SGCZ: variants seen among roughly 807,000 people sequenced by gnomAD.
The protein encoded by SGCZ is sarcoglycan zeta, also known as zeta-sarcoglycan.
A neutral mutation model predicts 41.3 loss-of-function variants in SGCZ; 40 were observed. The observed-to-expected ratio is 0.97, with a 90% confidence interval of 0.75 to 1.26. The LOEUF is 1.26. Ranked by LOEUF, SGCZ falls within the 50% of genes most tolerant of loss-of-function variation. The pLI, the probability that SGCZ is intolerant of heterozygous loss-of-function variation, is 0.00. For synonymous variants in SGCZ, 206 were observed against 137.5 expected (o/e 1.50, Z -3.49); for missense variants, 552 against 369.8 (o/e 1.49, Z -4.04).
chr8:14,337,540 G>A (rs1802546859), intron 2 of SGCZ, among the ~76,000 whole-genome samples: 1 of 152,142 alleles, frequency 6.6e-6, no homozygotes, highest in Non-Finnish European at 1.5e-5. Flanking sequence ...CCGGAAGTAT[G>A]GGAAAAGTGA....
chr8:14,680,239 G>A (rs1020676082), intron 1 of SGCZ, among the ~76,000 whole-genome samples: 1 of 152,094 alleles, frequency 6.6e-6, no homozygotes, highest in African/African-American at 2.4e-5. Flanking sequence ...GAATTTTAGG[G>A]CAGTGAAACT....
chr8:14,278,476 G>C (rs1792263271), intron 3 of SGCZ, among the ~76,000 whole-genome samples: 1 of 152,172 alleles, frequency 6.6e-6, no homozygotes, highest in African/African-American at 2.4e-5. Flanking sequence ...AAAGTATGCA[G>C]AGAAGCCATG....
intron 2 of SGCZ, among the ~76,000 whole-genome samples, chr8:14,489,923 A>T (rs1334698206): frequency 7.0e-6 from 1 of 142,008 alleles, no homozygotes; most frequent in South Asian, 2.2e-4. Context: ...CTGGAGTACA[A>T]GTGGCACGAT....
At chr8:14,675,988 C>T (rs1808265595) in intron 1 of SGCZ, among the ~76,000 whole-genome samples, 1 of 152,126 alleles carries the variant, frequency 6.6e-6, no homozygotes, top group Non-Finnish European at 1.5e-5. Context: ...AGAGTGGTTC[C>T]TTAAATATTT....
At chr8:14,143,351 A>G (rs1313893425) in intron 5 of SGCZ, among the ~76,000 whole-genome samples, 1 of 152,176 alleles carries the variant, frequency 6.6e-6, no homozygotes, top group African/African-American at 2.4e-5. Flanking sequence ...TAAAATACAT[A>G]CAGGTTAAAA....
chr8:14,428,328 G>A (rs1278004656), intron 2 of SGCZ, among the ~76,000 whole-genome samples: 1 of 151,924 alleles, frequency 6.6e-6, no homozygotes, highest in Non-Finnish European at 1.5e-5. Context: ...AATTCCAGTA[G>A]TAAATATTTT....
chr8:14,983,012 A>G (rs1801719482), intron 1 of SGCZ, among the ~76,000 whole-genome samples: 1 of 152,178 alleles, frequency 6.6e-6, no homozygotes, highest in South Asian at 2.1e-4. Context: ...TCATTGAATC[A>G]TTTGGGTTTG....
chr8:15,205,174 T>C (rs1296629428), intron 1 of SGCZ, among the ~76,000 whole-genome samples: 17 of 151,960 alleles, frequency 1.1e-4, no homozygotes, highest in Admixed American at 9.8e-4. Flanking sequence ...ACGAAGGCAA[T>C]ACCACCCCGA....
At chr8:14,093,767 T>C (rs1801759363) in intron 7 of SGCZ, among the ~76,000 whole-genome samples, 1 of 152,106 alleles carries the variant, frequency 6.6e-6, no homozygotes, top group East Asian at 1.9e-4. Flanking sequence ...TTTGCTCCAA[T>C]TCTCCAAAGG....
intron 1 of SGCZ, among the ~76,000 whole-genome samples, chr8:14,798,437 T>C (rs1399755532): frequency 6.6e-6 from 1 of 152,182 alleles, no homozygotes; most frequent in African/African-American, 2.4e-5. Context: ...TACACTGGTT[T>C]ATCAAAGTTA....
intron 3 of SGCZ, among the ~76,000 whole-genome samples, chr8:14,307,431 T>C (rs1801385425): frequency 6.6e-6 from 1 of 152,170 alleles, no homozygotes; most frequent in Non-Finnish European, 1.5e-5. Context: ...TATTCACTTT[T>C]CCAGGATCTG....
At chr8:14,164,042 C>G (rs1237866126) in intron 5 of SGCZ, among the ~76,000 whole-genome samples, 2 of 152,060 alleles carry the variant, frequency 1.3e-5, no homozygotes, top group East Asian at 3.9e-4. Context: ...ATTTTAATTT[C>G]AGCTGGTGGT....
At chr8:14,971,644 A>ATT (rs1801300165) in intron 1 of SGCZ, among the ~76,000 whole-genome samples, 3 of 95,088 alleles carry the variant, frequency 3.2e-5, no homozygotes. Flanking sequence ...CATTTTATAT[A>ATT]CTTTTTTTTT....
chr8:14,362,281 G>C (rs1044772816), intron 2 of SGCZ, among the ~76,000 whole-genome samples: 3 of 152,202 alleles, frequency 2.0e-5, no homozygotes, highest in African/African-American at 7.2e-5. Context: ...CCTGCCCCCG[G>C]AGGTGGAATC....
At chr8:14,722,814 A>T (rs1461260520) in intron 1 of SGCZ, among the ~76,000 whole-genome samples, 1 of 152,136 alleles carries the variant, frequency 6.6e-6, no homozygotes, top group Non-Finnish European at 1.5e-5. Context: ...ATACATGTGC[A>T]TGTGTTTTTA....
intron 1 of SGCZ, among the ~76,000 whole-genome samples, chr8:14,651,609 T>A (rs1034307483): frequency 6.6e-6 from 1 of 152,100 alleles, no homozygotes; most frequent in Non-Finnish European, 1.5e-5. Context: ...TCATTTTCAA[T>A]AAATTAACAC....
At chr8:14,849,859 TCTACGATAGAAAC>T (rs1803254501) in intron 1 of SGCZ, among the ~76,000 whole-genome samples, 2 of 152,202 alleles carry the variant, frequency 1.3e-5, no homozygotes, top group African/African-American at 4.8e-5. Context: ...CCAAGTACTA[TCTACGATAGAAAC>T]TTTTTAAATT....
chr8:14,566,678 C>T (rs566111626), intron 1 of SGCZ, among the ~76,000 whole-genome samples: 6 of 152,364 alleles, frequency 3.9e-5, no homozygotes, highest in South Asian at 2.1e-4. Flanking sequence ...TCACAGCCCT[C>T]GCTCGCTCTC....
intron 1 of SGCZ, among the ~76,000 whole-genome samples, chr8:14,574,392 C>T (rs1804647445): frequency 6.6e-6 from 1 of 152,002 alleles, no homozygotes; most frequent in Admixed American, 6.6e-5. Context: ...AGCCATAAAG[C>T]ATAAAGGTAT....
Sources: allele counts gnomAD v4.1 joint callset (sites outside exome capture counted in the v4.1 genomes callset), GRCh38; gene constraint gnomAD v4.1.1; transcripts MANE v1.5; gene names NCBI Gene and HGNC (gene_info 2026-07-23, HGNC 2026-07-21).